The following PER2 variants were observed in gnomAD, a reference collection of about 807,000 sequenced individuals.
PER2 encodes the protein period circadian regulator 2.
A neutral mutation model predicts 121.0 loss-of-function variants in PER2; 66 were observed. The ratio of observed to expected loss-of-function variants is 0.55; its 90% CI spans 0.45 to 0.67. The LOEUF is 0.67. Ranked by LOEUF, PER2 falls within the 30% of genes least tolerant of loss-of-function variation. PER2 has a pLI of 0.00. For synonymous variants in PER2, 684 were observed against 659.9 expected, an observed-to-expected ratio of 1.04 and a Z score of -0.56; for missense variants, 1,521 against 1,635.0, an observed-to-expected ratio of 0.93 and a Z score of 1.20.
chr2:238,271,456 G>T lies in PER2; in HGVS notation c.628C>A (p.Gln210Lys), dbSNP rs574904213. Reference sequence around the variant, plus strand: ...TTACAGTGAAATATGGATGCAACCTGGTCAGAGATGTACAGGATCTTCCCA... The same window carrying T: ...TTACAGTGAAATATGGATGCAACCTTGTCAGAGATGTACAGGATCTTCCCA... ...VSGKILYISD[Q>K]VASIFHCKRD... The change falls in exon 6 of 23, where the codon CAG becomes AAG. Residue 210 changes from glutamine (Q) to lysine (K), a missense_variant. Coordinates refer to ENST00000254657, the MANE Select transcript of PER2 (RefSeq NM_022817.3). The T allele has an allele frequency of 1.1e-5, 18 of 1,613,806 alleles. No individual in the cohort carries two copies. The South Asian group carries it at 1.9e-4, about 17-fold the overall frequency.
At chr2:238,260,498 C>T (rs1032887459) in intron 13 of PER2, among the ~76,000 whole-genome samples, 4 of 152,170 alleles carry the variant, frequency 2.6e-5, no homozygotes, top group Admixed American at 2.0e-4. Flanking sequence ...TTAGGTGATC[C>T]GCCTGCCTCG....
chr2:238,279,085 A>G (rs538313293), intron 1 of PER2, among the ~76,000 whole-genome samples: 4 of 152,152 alleles, frequency 2.6e-5, no homozygotes, highest in Non-Finnish European at 5.9e-5. Context: ...ACTGATTAGC[A>G]GGTGAGAGGC....
At chr2:238,274,226 G>T (rs1212464461) in intron 4 of PER2, among the ~76,000 whole-genome samples, 1 of 152,240 alleles carries the variant, frequency 6.6e-6, no homozygotes, top group Non-Finnish European at 1.5e-5. Context: ...CCTGTCTCTG[G>T]GTGTCGGTGC....
chr2:238,255,979 T>G, intron 17 of PER2, 68 bp from the exon 18 acceptor site: 1 of 1,571,638 alleles, frequency 6.4e-7, no homozygotes, highest in Non-Finnish European at 8.7e-7. Context: ...CCACACTATA[T>G]TCACGAACAA....
Position 238,245,823 on chromosome 2 carries a change from G to A in PER2, c.*552C>T, listed in dbSNP as rs1695432936. On this transcript the variant is annotated 3_prime_UTR_variant, in exon 23 of 23. Coordinates refer to ENST00000254657, the MANE Select transcript of PER2 (RefSeq NM_022817.3). The stretch of plus-strand genomic sequence containing the variant: ...CAAAGCTGTTGGTTTGCCAAACAAC[G>A]CTTCACACCATTTAATGTGAAACGT... 1.5e-5 allele frequency: 6 copies of A among 396,362 alleles called. No individual in the cohort carries two copies. The highest frequency in any genetic ancestry group is 1.4e-4 in the South Asian group (1 of 7,022). 24.6% of individuals were successfully genotyped at this position (396,362 alleles called of 1,614,324 possible). A position where few individuals can be genotyped will look rare whatever the true frequency, so the allele number is the denominator to read the frequency against.
Position 238,253,659 on chromosome 2 carries a change from C to A in PER2, c.2364G>T (p.Trp788Cys). The A allele has an allele frequency of 6.2e-7, 1 of 1,609,014 alleles. No individual in the cohort carries two copies. The highest frequency in any genetic ancestry group is 8.5e-7 in the Non-Finnish European group (1 of 1,177,410). The change falls in exon 19 of 23, where the codon TGG becomes TGT. Residue 788 changes from tryptophan (W) to cysteine (C), a missense_variant. Physicochemically the swap from Trp to Cys is radical, Grantham distance 215. Coordinates refer to ENST00000254657, the MANE Select transcript of PER2 (RefSeq NM_022817.3). The surrounding 1 kb of genome is among the most constrained non-coding windows in gnomAD (Gnocchi z 5.6). The stretch of plus-strand genomic sequence containing the variant: ...ATTTTCTGTTCTTTCCTGTTTTTTT[C>A]CAAGGTGAATCTATTCCGGAAGTAT... ...LRNTSGIDSP[W>C]KKTGKNRKLK...
At chr2:238,277,281 T>A (rs2304673) in intron 2 of PER2, 88 bp from the exon 3 acceptor site, 1 of 882,042 alleles carries the variant, frequency 1.1e-6, no homozygotes, top group South Asian at 1.3e-5. Flanking sequence ...GATAACAGGC[T>A]AGATAATACC....
Position 238,252,370 on chromosome 2 carries a change from T to C in PER2, c.3111+542A>G, listed in dbSNP as rs1695629062. 6.6e-6 allele frequency among the ~76,000 whole-genome samples: 1 copy of C among 152,226 alleles called. No individual in the cohort carries two copies. The highest frequency in any genetic ancestry group is 6.5e-5 in the Admixed American group (1 of 15,288). ...ACTGCTGCTGGCGTTCCCACACACT[T>C]GAGCTCGTTCAGAAACACAAGCGTT... On this transcript the variant is annotated intron_variant, in intron 19 of 22. Coordinates refer to ENST00000254657, the MANE Select transcript of PER2 (RefSeq NM_022817.3). This position sits in a 1 kb window ranked among gnomAD's most constrained non-coding sequence, Gnocchi z 4.2.
chr2:238,274,748 C>T (rs1046970933), intron 4 of PER2, among the ~76,000 whole-genome samples: 22 of 152,194 alleles, frequency 1.4e-4, no homozygotes, highest in African/African-American at 5.1e-4. Flanking sequence ...GATTTCCATG[C>T]GGTATCTTTA....
intron 9 of PER2, 63 bp downstream of exon 9, chr2:238,265,449 G>T: frequency 1.0e-6 from 1 of 990,692 alleles, no homozygotes; most frequent in Non-Finnish European, 1.6e-6. Context: ...ATGCAGTCTT[G>T]GCTTTGGCTA....
rs370865779 is a variant in PER2, at chr2:238,262,237, A to G, written c.1261T>C (p.Trp421Arg). The G allele has an allele frequency of 1.2e-6, 2 of 1,614,056 alleles. No homozygotes were observed. The highest frequency in any genetic ancestry group is 1.7e-5 in the Admixed American group (1 of 60,010). Residue 421 changes from tryptophan (W) to arginine (R), a missense_variant, in exon 11 of 23, where the codon TGG becomes CGG. Coordinates refer to ENST00000254657, the MANE Select transcript of PER2 (RefSeq NM_022817.3). Reference protein sequence around the residue: ...DTSWSSFINPWSRKISFIIGR... With the variant: ...DTSWSSFINPRSRKISFIIGR... ...ATGATGAAGGAGATTTTCCTGCTCC[A>G]TGGGTTGATGAAGCTGGACCAGCTG... is the stretch of plus-strand genomic sequence containing the variant.
intron 21 of PER2, among the ~76,000 whole-genome samples, chr2:238,249,520 T>C (rs564578766): frequency 3.3e-5 from 5 of 152,198 alleles, no homozygotes; most frequent in South Asian, 2.1e-4. Context: ...TGGGAGATTC[T>C]TGCCAGCAGG....
At chr2:238,260,190 G>A (rs1007049029) in intron 13 of PER2, 137 bp from the exon 14 acceptor site, 1 of 621,830 alleles carries the variant, frequency 1.6e-6, no homozygotes, top group Middle Eastern at 4.3e-4. Context: ...TCTGACAGGT[G>A]TAGAGCTAGA....
Position 238,257,035 on chromosome 2 carries a change from A to C in PER2, c.1952T>G (p.Leu651Arg), listed in dbSNP as rs551687023. The change falls in exon 17 of 23, where the codon CTG becomes CGG. Residue 651 changes from leucine to arginine, a missense_variant. Physicochemically the swap from Leu to Arg is moderately radical, Grantham distance 102. Coordinates refer to ENST00000254657, the MANE Select transcript of PER2 (RefSeq NM_022817.3). ...VNSRTGVGTH[L>R]TSLALPGKAE... ...CTTGCCCGGCAGTGCCAGCGAGGTC[A>C]GGTGCGTACCTACTCCCGTGCGGCT... 2.2e-5 allele frequency: 35 copies of C among 1,613,436 alleles called. No individual in the cohort carries two copies. The highest frequency in any genetic ancestry group is 2.8e-5 in the Non-Finnish European group (33 of 1,179,882).
At chr2:238,281,339 T>C (rs1456189574) in intron 1 of PER2, among the ~76,000 whole-genome samples, 2 of 152,168 alleles carry the variant, frequency 1.3e-5, no homozygotes, top group Non-Finnish European at 2.9e-5. Context: ...GAAAAGCTTA[T>C]GGTCAAAGGG....
intron 4 of PER2, among the ~76,000 whole-genome samples, chr2:238,274,068 C>G (rs904216692): frequency 6.6e-6 from 1 of 152,214 alleles, no homozygotes; most frequent in Non-Finnish European, 1.5e-5. Context: ...CAGACACCCC[C>G]ATCCAGGCAG....
chr2:238,269,561 T>G (rs2106315389), intron 6 of PER2, among the ~76,000 whole-genome samples: 1 of 126,740 alleles, frequency 7.9e-6, no homozygotes, highest in South Asian at 2.6e-4. Context: ...AACCTGCAAC[T>G]GAACACACTC....
rs1024002167 is a variant in PER2 at position 238,255,795 on chromosome 2, C to T, written c.2182G>A (p.Glu728Lys). The part of the protein sequence containing the change: ...EPFKKLGLTK[E>K]VLAAHTQKEE... ...TTCTGTGTGTGTGCAGCGAGTACCT[C>T]CTTGGTGAGGCCCAGCTTCTTGAAG... Residue 728 changes from glutamate (E) to lysine (K), a missense_variant, in exon 18 of 23, where the codon GAG (glutamate) becomes AAG (lysine). Physicochemically the swap from Glu to Lys is moderately conservative, Grantham distance 56. Transcript: ENST00000254657. The T allele has an allele frequency of 5.5e-5, 88 of 1,614,056 alleles. No homozygotes were observed. The highest frequency in any genetic ancestry group is 6.9e-5 in the Non-Finnish European group (82 of 1,180,036).
intron 21 of PER2, 34 bp downstream of exon 21, chr2:238,250,517 T>C (rs760430323): frequency 5.8e-5 from 89 of 1,525,258 alleles, no homozygotes; most frequent in Non-Finnish European, 7.3e-5. Context: ...ACCCCATCCC[T>C]CCCCAGGTGC....
Sources: allele counts gnomAD v4.1 joint callset (sites outside exome capture counted in the v4.1 genomes callset), GRCh38; gene constraint gnomAD v4.1.1; non-coding constraint Gnocchi (gnomAD v3.1); transcripts MANE v1.5; gene names NCBI Gene and HGNC (gene_info 2026-07-23, HGNC 2026-07-21).